The following DLG2 variants were observed in gnomAD, a reference collection of about 807,000 sequenced individuals.
DLG2 encodes the protein disks large homolog 2.
DLG2 carries 45 observed loss-of-function variants against 132.5 expected under a neutral mutation model. The ratio of observed to expected loss-of-function variants is 0.34; its 90% CI spans 0.27 to 0.44. The LOEUF is 0.44. DLG2 is among the 20% of genes least tolerant of loss of function. DLG2 has a pLI of 1.00. For synonymous variants in DLG2, 424 were observed against 419.6 expected (o/e 1.01, Z -0.13); for missense variants, 1,045 against 1,196.9 (o/e 0.87, Z 1.87).
At chr11:84,452,822 T>A in intron 7 of DLG2, among the ~76,000 whole-genome samples, 1 of 151,672 alleles carries the variant, frequency 6.6e-6, no homozygotes. Flanking sequence ...GCTACTCAGG[T>A]TGGGGCATGA....
At chr11:83,634,357 A>G (rs1423579227) in intron 18 of DLG2, among the ~76,000 whole-genome samples, 1 of 152,224 alleles carries the variant, frequency 6.6e-6, no homozygotes, top group African/African-American at 2.4e-5. Flanking sequence ...CACAATGAAC[A>G]TGTAAAAAGA....
intron 6 of DLG2, among the ~76,000 whole-genome samples, chr11:84,679,082 T>C (rs539833685): frequency 2.0e-5 from 3 of 152,140 alleles, no homozygotes; most frequent in South Asian, 2.1e-4. Context: ...ACCTTAAGCA[T>C]AGCTTAAACA....
chr11:84,720,666 T>G (rs2061718883), intron 6 of DLG2, among the ~76,000 whole-genome samples: 1 of 150,626 alleles, frequency 6.6e-6, no homozygotes, highest in Non-Finnish European at 1.5e-5. Flanking sequence ...GGAGGTAAAA[T>G]AAAAATAAAA....
At chr11:84,273,306 GAAAAAAAAAA>G in intron 7 of DLG2, 3 of 787,134 alleles carry the variant, frequency 3.8e-6, no homozygotes, top group South Asian at 5.1e-5. Context: ...AGTTGAAGAG[GAAAAAAAAAA>G]AAAAAAAAAA....
chr11:85,028,766 T>C (rs2060761415), intron 6 of DLG2, among the ~76,000 whole-genome samples: 1 of 152,100 alleles, frequency 6.6e-6, no homozygotes, highest in Non-Finnish European at 1.5e-5. Flanking sequence ...TCCCAGCCCC[T>C]GAAAGCACAG....
intron 9 of DLG2, among the ~76,000 whole-genome samples, chr11:84,122,909 AT>A (rs1476717936): frequency 6.6e-6 from 1 of 152,174 alleles, no homozygotes; most frequent in Non-Finnish European, 1.5e-5. Flanking sequence ...GAGGGGAAGG[AT>A]TATGATTCTA....
At chr11:83,760,447 A>T (rs1786919327) in intron 18 of DLG2, among the ~76,000 whole-genome samples, 1 of 151,582 alleles carries the variant, frequency 6.6e-6, no homozygotes, top group Admixed American at 6.6e-5. Context: ...TTTCTTCTCT[A>T]ATCTCACTAT....
chr11:84,531,885 G>C (rs1408940483), intron 7 of DLG2, among the ~76,000 whole-genome samples: 1 of 150,858 alleles, frequency 6.6e-6, no homozygotes, highest in Non-Finnish European at 1.5e-5. Flanking sequence ...GGAAGGCAAA[G>C]GATAAAGGAA....
chr11:85,367,557 CA>C (rs977729408), intron 3 of DLG2, among the ~76,000 whole-genome samples: 2 of 152,076 alleles, frequency 1.3e-5, no homozygotes, highest in African/African-American at 4.8e-5. Context: ...GTGGCTTAAT[CA>C]ATATTACATG....
intron 6 of DLG2, among the ~76,000 whole-genome samples, chr11:84,672,758 C>T (rs1376877551): frequency 1.3e-5 from 2 of 152,044 alleles, no homozygotes; most frequent in Admixed American, 6.6e-5. Flanking sequence ...TGGGCCATGA[C>T]GTGATCCTGG....
In DLG2 at chr11:85,238,204, A is replaced by ATTTT. The variant is rs1178022683; in HGVS notation, c.186+47012_186+47015dup. On this transcript the variant is annotated intron_variant, in intron 4 of 27. Coordinates refer to ENST00000376104, the MANE Select transcript of DLG2 (RefSeq NM_001142699.3). ...TAACTTTTTTTTATTTTTTATTTTTATTTTATTTATTTATTTATTTATTTA... is the reference window on the plus strand; with the variant it reads ...TAACTTTTTTTTATTTTTTATTTTTATTTTTTTTATTTATTTATTTATTTATTTA... Among the ~76,000 whole-genome samples, 60 of 133,324 alleles carry ATTTT rather than the reference A, an allele frequency of 4.5e-4. 1 individual carries two copies. Among genetic ancestry groups the ATTTT allele is most frequent in the African/African-American group, 1.6e-3 (57 of 35,998 alleles). 87.5% of individuals were successfully genotyped at this position (133,324 alleles called of 152,430 possible). A position where few individuals can be genotyped will look rare whatever the true frequency, so the allele number is the denominator to read the frequency against.
At chr11:85,394,405 A>T (rs905785292) in intron 3 of DLG2, among the ~76,000 whole-genome samples, 1 of 152,242 alleles carries the variant, frequency 6.6e-6, no homozygotes, top group Non-Finnish European at 1.5e-5. Context: ...CCACTTTCAG[A>T]TAAAAAGAGT....
chr11:84,782,942 G>T (rs2072101122), intron 6 of DLG2, among the ~76,000 whole-genome samples: 1 of 152,104 alleles, frequency 6.6e-6, no homozygotes, highest in Non-Finnish European at 1.5e-5. Context: ...AACTGCAGTA[G>T]CATCGTGTAG....
intron 3 of DLG2, among the ~76,000 whole-genome samples, chr11:85,366,563 A>AT (rs1249819982): frequency 6.6e-6 from 1 of 152,152 alleles, no homozygotes. Context: ...AAAAACCAAT[A>AT]TTTTTTGTTA....
chr11:84,107,013 T>TGTGTGTGAGA (rs1555348732), intron 9 of DLG2, among the ~76,000 whole-genome samples: 4 of 126,204 alleles, frequency 3.2e-5, no homozygotes, highest in South Asian at 2.7e-4. Flanking sequence ...TGTGTGTGTG[T>TGTGTGTGAGA]GAGAGAGTTT....
intron 6 of DLG2, among the ~76,000 whole-genome samples, chr11:85,082,527 C>A (rs2067365299): frequency 6.6e-6 from 1 of 151,906 alleles, no homozygotes; most frequent in Non-Finnish European, 1.5e-5. Context: ...AAGCAGAAGA[C>A]CCTAAAAAGA....
intron 3 of DLG2, among the ~76,000 whole-genome samples, chr11:85,471,032 G>C (rs1337381197): frequency 6.6e-6 from 1 of 152,156 alleles, no homozygotes; most frequent in East Asian, 1.9e-4. Flanking sequence ...ATTTACATTT[G>C]AAAGACTAGG....
At chr11:85,509,212 A>G (rs2094002484) in intron 3 of DLG2, among the ~76,000 whole-genome samples, 1 of 152,110 alleles carries the variant, frequency 6.6e-6, no homozygotes, top group Non-Finnish European at 1.5e-5. Flanking sequence ...AGTCCTGAAA[A>G]GAAATAAATC....
At chr11:84,044,196 T>C (rs11233885) in intron 11 of DLG2, among the ~76,000 whole-genome samples, 3 of 151,716 alleles carry the variant, frequency 2.0e-5, no homozygotes, top group Non-Finnish European at 2.9e-5. Flanking sequence ...ACAATACCTA[T>C]AGGGTTTCTT....
Sources: allele counts gnomAD v4.1 joint callset (sites outside exome capture counted in the v4.1 genomes callset), GRCh38; gene constraint gnomAD v4.1.1; transcripts MANE v1.5; gene names NCBI Gene and HGNC (gene_info 2026-07-23, HGNC 2026-07-21).